The following SPAG9 variants were observed in gnomAD, a reference collection of about 807,000 sequenced individuals.
SPAG9 encodes the protein C-Jun-amino-terminal kinase-interacting protein 4.
In SPAG9, 35 loss-of-function variants were observed where a neutral mutation model predicts 166.5. The ratio of observed to expected loss-of-function variants is 0.21; its 90% confidence interval spans 0.16 to 0.28. The LOEUF is 0.28. Among genes scored for constraint, SPAG9 ranks in the 10% least tolerant of loss-of-function variants. SPAG9 has a pLI of 1.00. For synonymous variants in SPAG9, 534 were observed against 565.5 expected (o/e 0.94, Z 0.79); for missense variants, 1,235 against 1,603.3 (o/e 0.77, Z 3.92).
At chr17:51,072,112 C>A (rs62062976) in intron 2 of SPAG9, among the ~76,000 whole-genome samples, 33 of 152,000 alleles carry the variant, frequency 2.2e-4, no homozygotes, top group Admixed American at 1.1e-3. Flanking sequence ...TGCTTTATTG[C>A]CCAGGCTGGA....
intron 28 of SPAG9, among the ~76,000 whole-genome samples, 181 bp from the exon 29 acceptor site, chr17:50,971,037 C>T (rs538312218): frequency 9.9e-5 from 15 of 152,056 alleles, no homozygotes; most frequent in Middle Eastern, 3.4e-3. Flanking sequence ...TTTAAGAACC[C>T]GATTTGAGGT....
intron 3 of SPAG9, 74 bp from the exon 4 acceptor site, chr17:51,047,543 G>A (rs2047060322): frequency 6.0e-6 from 4 of 663,586 alleles, no homozygotes; most frequent in Non-Finnish European, 7.4e-6. Flanking sequence ...TTATAACAAG[G>A]AAAACATTTT....
At chr17:51,010,722 G>A (rs2045446588) in intron 9 of SPAG9, among the ~76,000 whole-genome samples, 1 of 152,002 alleles carries the variant, frequency 6.6e-6, no homozygotes, top group Non-Finnish European at 1.5e-5. Flanking sequence ...AACAGTGCCT[G>A]TTGGTCCAAG....
chr17:51,087,255 A>G (rs2048329421), intron 1 of SPAG9, among the ~76,000 whole-genome samples: 1 of 152,244 alleles, frequency 6.6e-6, no homozygotes, highest in Non-Finnish European at 1.5e-5. Context: ...CAGAACACTC[A>G]TAATTACAAA....
chr17:51,012,442 C>T (rs566118563), intron 9 of SPAG9, among the ~76,000 whole-genome samples: 113 of 151,752 alleles, frequency 7.4e-4, no homozygotes, highest in Non-Finnish European at 1.5e-3. Flanking sequence ...TGGTGGTATG[C>T]GCCTTTAGTC....
chr17:51,053,085 T>A (rs895703410), intron 3 of SPAG9, among the ~76,000 whole-genome samples: 2 of 151,806 alleles, frequency 1.3e-5, no homozygotes, highest in Admixed American at 1.3e-4. Flanking sequence ...TATTTTATAC[T>A]TTAATATAGC....
chr17:51,002,597 T>C (rs75072902), intron 12 of SPAG9, among the ~76,000 whole-genome samples: 8,687 of 151,674 alleles, frequency 0.057, 733 homozygotes, highest in African/African-American at 0.19. Flanking sequence ...CTGGGCAACA[T>C]AGTAAAACCC....
chr17:51,047,033 T>C (rs941056301), intron 4 of SPAG9: 15 of 745,188 alleles, frequency 2.0e-5, no homozygotes, highest in Non-Finnish European at 2.3e-5. Context: ...CATGCCTCTC[T>C]GTAACAAAAA....
intron 1 of SPAG9, among the ~76,000 whole-genome samples, chr17:51,089,692 T>C (rs1357020070): frequency 2.2e-5 from 3 of 138,146 alleles, no homozygotes; most frequent in Non-Finnish European, 4.7e-5. Context: ...TTTCTTTTTT[T>C]TGATATGGAG....
At chr17:50,979,234 A>G (rs1036434890) in intron 26 of SPAG9, among the ~76,000 whole-genome samples, 1 of 151,620 alleles carries the variant, frequency 6.6e-6, no homozygotes, top group Non-Finnish European at 1.5e-5. Flanking sequence ...AAAAGTAGCC[A>G]ACATGATAGT....
At position 50,996,238 on chromosome 17, in the gene SPAG9, CAAT is replaced by C. The variant is rs1332404908; in HGVS notation, c.1968+324_1968+326del. 72 of 214,638 alleles carry C rather than the reference CAAT, an allele frequency of 3.4e-4. 1 individual carries two copies. The Admixed American group carries it at 3.6e-3, about 11-fold the overall frequency. 13.3% of individuals were successfully genotyped at this position (214,638 alleles called of 1,614,324 possible). A position where few individuals can be genotyped will look rare whatever the true frequency, so the allele number is the denominator to read the frequency against. ...AGTTCCATGCCAATAATTTTTTCAA[CAAT>C]GATGCTGGTTTTTTAAAAAATGAAA... On this transcript the variant is annotated intron_variant, in intron 16 of 29. Transcript: ENST00000262013.
At chr17:51,103,695 G>A (rs2048866393) in intron 1 of SPAG9, among the ~76,000 whole-genome samples, 1 of 152,160 alleles carries the variant, frequency 6.6e-6, no homozygotes, top group Non-Finnish European at 1.5e-5. Context: ...AGAAGCTGAA[G>A]TGAGAGGACC....
chr17:51,022,431 T>C (rs890657657), intron 6 of SPAG9, among the ~76,000 whole-genome samples: 13 of 152,230 alleles, frequency 8.5e-5, no homozygotes, highest in African/African-American at 3.1e-4. Flanking sequence ...TATATGCAAA[T>C]TGAAATTGTA....
chr17:50,968,624 G>A (rs1380700022), intron 29 of SPAG9, among the ~76,000 whole-genome samples: 1 of 152,040 alleles, frequency 6.6e-6, no homozygotes, highest in Non-Finnish European at 1.5e-5. Flanking sequence ...CCAGCTACTC[G>A]GGAGGCTGAG....
Position 51,014,346 on chromosome 17 carries a change from T to C in SPAG9, c.1099A>G (p.Thr367Ala). 6.2e-7 allele frequency: 1 copy of C among 1,610,224 alleles called. No individual in the cohort carries two copies. Among genetic ancestry groups the C allele is most frequent in the Non-Finnish European group, 8.5e-7 (1 of 1,178,370 alleles). ...LSGYKGSSTP[T>A]KGIENKAFDR... is the part of the protein sequence containing the mutation. ...AAAGCTTTGTTCTCTATGCCTTTGG[T>C]GGGAGTGCTATGCAACAAGAACAAC... The change falls in exon 9 of 30, where the codon ACC becomes GCC. Residue 367 changes from threonine to alanine, a missense_variant. Coordinates refer to ENST00000262013, the MANE Select transcript of SPAG9 (RefSeq NM_001130528.3).
At chr17:51,062,532 T>C (rs1327272947) in intron 2 of SPAG9, among the ~76,000 whole-genome samples, 1 of 152,196 alleles carries the variant, frequency 6.6e-6, no homozygotes, top group Non-Finnish European at 1.5e-5. Flanking sequence ...ATATAGTACC[T>C]AGCCTTTTCA....
chr17:51,028,325 C>G (rs1438961663), intron 6 of SPAG9, among the ~76,000 whole-genome samples: 3 of 152,064 alleles, frequency 2.0e-5, no homozygotes, highest in Non-Finnish European at 4.4e-5. Flanking sequence ...ACAGTAATGT[C>G]CAGTAATGCT....
chr17:50,975,840 T>A, intron 27 of SPAG9: 1 of 1,527,086 alleles, frequency 6.5e-7, no homozygotes, highest in Non-Finnish European at 8.8e-7. Context: ...GGAAGAAGAG[T>A]TTGGTTCAGA....
rs1973730562 is a variant in SPAG9, at chr17:50,970,816, A to T, written c.3741T>A (p.Asp1247Glu). 6.2e-7 allele frequency: 1 copy of T among 1,613,870 alleles called. No individual in the cohort carries two copies. The highest frequency in any genetic ancestry group is 1.1e-5 in the South Asian group (1 of 91,092). ...ISPQSSSSGT[D>E]LTGDKAGPSA... ...ATGGCCCTGCTTTGTCACCCGTCAG[A>T]TCCGTGCCACTACTGCTACTTTGTG... The change falls in exon 29 of 30, where the codon GAT becomes GAA. Residue 1247 changes from aspartate to glutamate, a missense_variant. Physicochemically the swap from Asp to Glu is conservative, Grantham distance 45 (BLOSUM62 2). This residue lies in a region of SPAG9 where 243 missense variants were observed against 358.6 expected (regional missense o/e 0.68). Coordinates refer to ENST00000262013, the MANE Select transcript of SPAG9 (RefSeq NM_001130528.3).
Sources: allele counts gnomAD v4.1 joint callset (sites outside exome capture counted in the v4.1 genomes callset), GRCh38; gene constraint gnomAD v4.1.1; regional missense constraint gnomAD v4.1.1; transcripts MANE v1.5; gene names NCBI Gene and HGNC (gene_info 2026-07-23, HGNC 2026-07-21).